OPCML: variants seen among roughly 807,000 people sequenced by gnomAD.
OPCML encodes the protein opioid-binding protein/cell adhesion molecule.
OPCML carries 13 observed loss-of-function variants against 37.8 expected under a neutral mutation model. The ratio of observed to expected loss-of-function variants is 0.34; its 90% CI spans 0.22 to 0.55. OPCML has a LOEUF of 0.55. OPCML is among the 20% of genes least tolerant of loss of function. OPCML has a pLI of 0.91. For missense variants in OPCML, 341 were observed against 435.6 expected, an observed-to-expected ratio of 0.78 and a Z score of 1.93; for synonymous variants, 176 against 168.8, an observed-to-expected ratio of 1.04 and a Z score of -0.33.
intron 2 of OPCML, among the ~76,000 whole-genome samples, chr11:132,674,960 C>T (rs114584982): frequency 0.02 from 3,011 of 152,186 alleles, 102 homozygotes; most frequent in African/African-American, 0.068. Flanking sequence ...AGCTTTTCCA[C>T]TTACCGTTTT....
chr11:132,433,388 C>G (rs1026234108), intron 7 of OPCML, among the ~76,000 whole-genome samples: 1 of 152,078 alleles, frequency 6.6e-6, no homozygotes, highest in South Asian at 2.1e-4. Context: ...TGTTTGTGGT[C>G]GAATCCACAC....
chr11:132,644,752 T>C (rs1941060020), intron 3 of OPCML, among the ~76,000 whole-genome samples: 1 of 152,292 alleles, frequency 6.6e-6, no homozygotes, highest in Non-Finnish European at 1.5e-5. Flanking sequence ...ACCGTGGTAA[T>C]GAACCAATCC....
intron 1 of OPCML, among the ~76,000 whole-genome samples, chr11:133,478,350 G>T (rs114996419): frequency 6.6e-6 from 1 of 152,138 alleles, no homozygotes; most frequent in Non-Finnish European, 1.5e-5. Flanking sequence ...GTCCATTTTA[G>T]CGAGGAAGAG....
chr11:133,238,489 T>G (rs983688923), intron 1 of OPCML, among the ~76,000 whole-genome samples: 1 of 152,238 alleles, frequency 6.6e-6, no homozygotes, highest in Non-Finnish European at 1.5e-5. Flanking sequence ...TATCTTTCTA[T>G]TTTTTAAAAC....
At chr11:133,313,968 G>T (rs1271066394) in intron 1 of OPCML, among the ~76,000 whole-genome samples, 2 of 152,222 alleles carry the variant, frequency 1.3e-5, no homozygotes, top group East Asian at 3.9e-4. Flanking sequence ...GGGCGCAGTG[G>T]CTCACGCCTG....
Position 133,084,305 on chromosome 11 carries a change from T to A in OPCML, c.62-141295A>T, listed in dbSNP as rs528901813. Among the ~76,000 whole-genome samples the A allele has an allele frequency of 1.1e-4, 16 of 152,272 alleles. No individual in the cohort carries two copies. The East Asian group carries it at 2.7e-3, about 26-fold the overall frequency. Reference sequence around the variant, plus strand: ...GGCCTTGCACACCCTGCGCACTCCATAAACATCATTTGGTTCTTATCATTC... The same window carrying A: ...GGCCTTGCACACCCTGCGCACTCCAAAAACATCATTTGGTTCTTATCATTC... On this transcript the variant is annotated intron_variant, in intron 1 of 7. Coordinates refer to ENST00000524381, the MANE Select transcript of OPCML (RefSeq NM_001012393.5).
intron 1 of OPCML, among the ~76,000 whole-genome samples, chr11:133,237,642 AT>A (rs1489410284): frequency 6.6e-6 from 1 of 152,244 alleles, no homozygotes; most frequent in Admixed American, 6.5e-5. Context: ...CAAAGAGGTA[AT>A]TGAAGGGATG....
At chr11:132,506,294 T>C (rs1337028857) in intron 4 of OPCML, among the ~76,000 whole-genome samples, 1 of 152,196 alleles carries the variant, frequency 6.6e-6, no homozygotes, top group African/African-American at 2.4e-5. Flanking sequence ...AAACAGGTTT[T>C]CAATAAATGT....
chr11:133,401,569 T>G (rs1267601636), intron 1 of OPCML, among the ~76,000 whole-genome samples: 1 of 152,132 alleles, frequency 6.6e-6, no homozygotes. Context: ...AATGCTATGT[T>G]GATATTGATA....
intron 2 of OPCML, among the ~76,000 whole-genome samples, chr11:132,780,384 G>A (rs371201065): frequency 5.3e-5 from 8 of 152,084 alleles, no homozygotes; most frequent in Non-Finnish European, 1.2e-4. Flanking sequence ...GACATTCAAG[G>A]GCTTCTCACC....
At chr11:132,992,596 G>C (rs1202616086) in intron 1 of OPCML, among the ~76,000 whole-genome samples, 1 of 152,160 alleles carries the variant, frequency 6.6e-6, no homozygotes, top group Non-Finnish European at 1.5e-5. Context: ...GTGTATCGGG[G>C]AGAGGCAGGC....
At chr11:133,088,783 A>G (rs775200371) in intron 1 of OPCML, among the ~76,000 whole-genome samples, 4 of 152,178 alleles carry the variant, frequency 2.6e-5, no homozygotes, top group Admixed American at 6.5e-5. Flanking sequence ...AATGGTCTAA[A>G]TGTTTTGGTT....
chr11:132,586,155 T>C (rs1284496897), intron 3 of OPCML, among the ~76,000 whole-genome samples: 1 of 152,188 alleles, frequency 6.6e-6, no homozygotes, highest in Non-Finnish European at 1.5e-5. Flanking sequence ...TTGTTTCATT[T>C]GCCTATTAAC....
chr11:133,162,671 C>G (rs1304074377), intron 1 of OPCML, among the ~76,000 whole-genome samples: 3 of 152,154 alleles, frequency 2.0e-5, no homozygotes, highest in Non-Finnish European at 4.4e-5. Flanking sequence ...TTTGCAGTTA[C>G]AGCCACGAGG....
intron 3 of OPCML, among the ~76,000 whole-genome samples, chr11:132,559,406 T>A (rs2096405505): frequency 6.6e-6 from 1 of 152,140 alleles, no homozygotes; most frequent in Non-Finnish European, 1.5e-5. Flanking sequence ...ACAGGATACA[T>A]TTATCAGAAG....
intron 1 of OPCML, among the ~76,000 whole-genome samples, chr11:133,107,813 A>T (rs2137085012): frequency 6.6e-6 from 1 of 152,350 alleles, no homozygotes; most frequent in Middle Eastern, 3.4e-3. Flanking sequence ...ATGTTCTGTA[A>T]CAACTCATTT....
At chr11:132,835,769 G>A (rs941255276) in intron 2 of OPCML, among the ~76,000 whole-genome samples, 7 of 152,090 alleles carry the variant, frequency 4.6e-5, no homozygotes, top group Non-Finnish European at 8.8e-5. Flanking sequence ...AGTGAACGGC[G>A]GTGCCCTTAT....
chr11:133,157,118 C>T (rs1398460828), intron 1 of OPCML, among the ~76,000 whole-genome samples: 2 of 152,002 alleles, frequency 1.3e-5, no homozygotes, highest in East Asian at 1.9e-4. Context: ...CAGAGGGAGC[C>T]GGCAATTTCT....
At chr11:132,844,167 C>T (rs538481435) in intron 2 of OPCML, among the ~76,000 whole-genome samples, 103 of 152,310 alleles carry the variant, frequency 6.8e-4, no homozygotes, top group African/African-American at 2.3e-3. Context: ...TGAGGCTTCC[C>T]CAGCCACGTG....
Sources: allele counts gnomAD v4.1 joint callset (sites outside exome capture counted in the v4.1 genomes callset), GRCh38; gene constraint gnomAD v4.1.1; transcripts MANE v1.5; gene names NCBI Gene and HGNC (gene_info 2026-07-23, HGNC 2026-07-21).